Variants in HDAC9 observed in about 807,000 individuals in gnomAD.
The protein encoded by HDAC9 is MEF-2 interacting transcription repressor (MITR) protein.
In HDAC9, 41 loss-of-function variants were observed where a neutral mutation model predicts 139.4. That is an observed-to-expected ratio of 0.29 (90% CI 0.23 to 0.38). HDAC9 has a LOEUF of 0.38. Ranked by LOEUF, HDAC9 falls within the 10% of genes least tolerant of loss-of-function variation. The pLI, the probability that HDAC9 is intolerant of heterozygous loss-of-function variation, is 1.00. For synonymous variants in HDAC9, 517 were observed against 476.2 expected, an observed-to-expected ratio of 1.09 and a Z score of -1.12; for missense variants, 1,147 against 1,297.0, an observed-to-expected ratio of 0.88 and a Z score of 1.78.
intron 13 of HDAC9, among the ~76,000 whole-genome samples, chr7:18,731,146 T>G (rs1349074009): frequency 6.6e-6 from 1 of 152,184 alleles, no homozygotes; most frequent in East Asian, 1.9e-4. Flanking sequence ...GTTATATAAT[T>G]GTGTATTTCT....
chr7:18,144,090 A>C (rs182426662), intron 1 of HDAC9, among the ~76,000 whole-genome samples: 7 of 152,342 alleles, frequency 4.6e-5, no homozygotes, highest in African/African-American at 9.6e-5. Context: ...AGTGGGAAGG[A>C]AATAAATAAT....
At chr7:18,248,581 C>T (rs950994308) in intron 2 of HDAC9, among the ~76,000 whole-genome samples, 8 of 152,158 alleles carry the variant, frequency 5.3e-5, no homozygotes, top group African/African-American at 1.9e-4. Context: ...TTCTCGCATG[C>T]TACTCTACTA....
chr7:18,801,731 A>G (rs528021876), intron 17 of HDAC9, among the ~76,000 whole-genome samples: 2 of 152,158 alleles, frequency 1.3e-5, no homozygotes, highest in Non-Finnish European at 2.9e-5. Flanking sequence ...ATTTGTAACT[A>G]CTGATTCAAA....
intron 2 of HDAC9, among the ~76,000 whole-genome samples, chr7:18,226,354 C>G (rs1389972740): frequency 6.6e-6 from 1 of 152,068 alleles, no homozygotes; most frequent in African/African-American, 2.4e-5. Flanking sequence ...GACTTGGCCC[C>G]TGTGAGACAT....
At chr7:18,221,544 T>G (rs1439166041) in intron 2 of HDAC9, among the ~76,000 whole-genome samples, 1 of 152,140 alleles carries the variant, frequency 6.6e-6, no homozygotes, top group Non-Finnish European at 1.5e-5. Context: ...ATAAAGCAGA[T>G]GATGTTATTC....
At chr7:18,145,835 A>G (rs1448664057) in intron 1 of HDAC9, among the ~76,000 whole-genome samples, 5 of 152,176 alleles carry the variant, frequency 3.3e-5, no homozygotes, top group African/African-American at 4.8e-5. Context: ...AGTAGCCTAG[A>G]TAGTTTCAGA....
rs77853829 is a variant in HDAC9, at chr7:18,657,552, G to A, written c.1468-8661G>A. On this transcript the variant is annotated intron_variant, in intron 11 of 25. Transcript: ENST00000686413. ...GATTATCAGGGAAAGAATCCTATTA[G>A]GTAATTTTTAAAAGGACATAAAATT... Among the ~76,000 whole-genome samples the A allele has an allele frequency of 4.1e-3, 620 of 152,178 alleles. 1 individual carries two copies. The highest frequency in any genetic ancestry group is 0.022 in the South Asian group (104 of 4,816).
At chr7:18,101,473 A>G (rs1346139555) in intron 1 of HDAC9, among the ~76,000 whole-genome samples, 1 of 152,176 alleles carries the variant, frequency 6.6e-6, no homozygotes, top group African/African-American at 2.4e-5. Flanking sequence ...GATAATTCCA[A>G]TCCCTCTTAC....
chr7:18,871,833 G>T (rs1798939695), intron 21 of HDAC9, among the ~76,000 whole-genome samples: 1 of 152,084 alleles, frequency 6.6e-6, no homozygotes, highest in South Asian at 2.1e-4. Flanking sequence ...AGAGATCTGT[G>T]GAGTCTCAGT....
chr7:18,932,322 T>C (rs1262360503), intron 22 of HDAC9, among the ~76,000 whole-genome samples: 1 of 152,200 alleles, frequency 6.6e-6, no homozygotes, highest in Non-Finnish European at 1.5e-5. Context: ...ATGATAATTT[T>C]TTCTAAATGT....
chr7:18,858,649 T>C (rs892460577), intron 21 of HDAC9, among the ~76,000 whole-genome samples: 1 of 152,198 alleles, frequency 6.6e-6, no homozygotes, highest in Non-Finnish European at 1.5e-5. Context: ...ATTGCTTTCA[T>C]GCTAATCCAA....
At chr7:18,541,141 G>GTTTTTTTTTT (rs10678670) in intron 2 of HDAC9, among the ~76,000 whole-genome samples, 12 of 65,462 alleles carry the variant, frequency 1.8e-4, no homozygotes, top group African/African-American at 4.1e-4. Context: ...AAGGAACCGT[G>GTTTTTTTTTT]TTTTTTTTTT....
chr7:18,962,138 G>C lies in HDAC9; in HGVS notation c.3022+7908G>C. On this transcript the variant is annotated intron_variant, in intron 24 of 25. Transcript: ENST00000686413. ...ACTTCTAATCAGAAAAAAATGCAAG[G>C]ATTGGCAGAATTTCAAATCCCTGCC... 1.3e-5 allele frequency among the ~76,000 whole-genome samples: 2 copies of C among 152,112 alleles called. 1 individual carries two copies. Among genetic ancestry groups the C allele is most frequent in the African/African-American group, 4.8e-5 (2 of 41,438 alleles).
Position 18,585,480 on chromosome 7 carries a change from C to T in HDAC9, c.222C>T (p.Asn74=). 1 of 1,613,866 alleles carries T rather than the reference C, an allele frequency of 6.2e-7. No individual in the cohort carries two copies. Among genetic ancestry groups the T allele is most frequent in the Non-Finnish European group, 8.5e-7 (1 of 1,179,816 alleles). Residue 74 remains asparagine, a synonymous_variant, in exon 3 of 26, where the codon AAC becomes AAT. Coordinates refer to ENST00000686413, the MANE Select transcript of HDAC9 (RefSeq NM_178425.4). ...CAGAGTTTCAGAAACAGCATGAGAA[C>T]TTGACACGGCAGCACCAGGCTCAGC... ...LIAEFQKQHE[N]LTRQHQAQLQ... is the part of the protein sequence containing the mutation.
intron 16 of HDAC9, among the ~76,000 whole-genome samples, chr7:18,771,452 GAT>G (rs1790283918): frequency 6.6e-6 from 1 of 152,074 alleles, no homozygotes; most frequent in African/African-American, 2.4e-5. Context: ...GCGAGAGGCA[GAT>G]TTGGATGAAA....
intron 1 of HDAC9, among the ~76,000 whole-genome samples, chr7:18,489,437 T>A (rs1312798101): frequency 6.6e-6 from 1 of 152,050 alleles, no homozygotes; most frequent in African/African-American, 2.4e-5. Context: ...AATACCTATT[T>A]GCCAGGTATT....
chr7:18,559,551 C>G (rs1298202542), intron 2 of HDAC9, among the ~76,000 whole-genome samples: 1 of 152,180 alleles, frequency 6.6e-6, no homozygotes, highest in Non-Finnish European at 1.5e-5. Flanking sequence ...TGACAACTCT[C>G]TCTCAAGACA....
chr7:18,201,300 T>C (rs1791098781), intron 2 of HDAC9, among the ~76,000 whole-genome samples: 1 of 152,216 alleles, frequency 6.6e-6, no homozygotes, highest in Non-Finnish European at 1.5e-5. Context: ...TTTGTTAGGA[T>C]TCTAGGGTGT....
intron 2 of HDAC9, among the ~76,000 whole-genome samples, chr7:18,249,110 A>T (rs895480386): frequency 1.8e-4 from 27 of 152,174 alleles, no homozygotes; most frequent in Non-Finnish European, 3.5e-4. Context: ...ATCCTAATTA[A>T]TCTTTAACTT....
Sources: gnomAD v4.1 joint callset for allele counts (sites outside exome capture counted in the v4.1 genomes callset) on GRCh38, gnomAD v4.1.1 for gene constraint, MANE v1.5 for transcripts, NCBI Gene and HGNC (gene_info 2026-07-23, HGNC 2026-07-21) for gene names.